The following ARHGAP21 variants were observed in gnomAD, a reference collection of about 807,000 sequenced individuals.
ARHGAP21 encodes Rho GTPase activating protein 21.
ARHGAP21 carries 38 observed loss-of-function variants against 164.6 expected under a neutral mutation model. The ratio of observed to expected loss-of-function variants is 0.23; its 90% confidence interval spans 0.18 to 0.30. ARHGAP21 has a LOEUF of 0.30. Ranked by LOEUF, ARHGAP21 falls within the 10% of genes least tolerant of loss-of-function variation. The probability of loss-of-function intolerance (pLI) is 1.00; values close to 1 mark genes in which losing one functional copy is unlikely to be tolerated. For missense variants in ARHGAP21, 1,822 were observed against 2,370.7 expected, an observed-to-expected ratio of 0.77 and a Z score of 4.81; for synonymous variants, 766 against 857.9, an observed-to-expected ratio of 0.89 and a Z score of 1.87.
chr10:24,607,820 G>A lies in ARHGAP21; in HGVS notation c.2506C>T (p.Pro836Ser). 2 of 1,614,110 alleles carry A rather than the reference G, an allele frequency of 1.2e-6. No homozygotes were observed. Among genetic ancestry groups the A allele is most frequent in the Non-Finnish European group, 8.5e-7 (1 of 1,180,012 alleles). The change falls in exon 10 of 26, where the codon CCC becomes TCC. Residue 836 changes from proline (P) to serine (S), a missense_variant. Around this residue, in one of 5 missense-constraint regions of ARHGAP21, gnomAD observed 1,090 missense variants for 1,378.9 expected, o/e 0.79. Transcript: ENST00000396432. ...AVISASTSQV[P>S]SIATVPPCLT... ...CAAGGAGGAACTGTTGCTATGGAGGGGACCTGAGAGGTAGAGGCTGATATA... is the reference window on the plus strand; with the variant it reads ...CAAGGAGGAACTGTTGCTATGGAGGAGACCTGAGAGGTAGAGGCTGATATA...
At position 24,584,911 on chromosome 10, in the gene ARHGAP21, G is replaced by T; in HGVS notation, c.5378C>A (p.Ala1793Asp). ...VGNHKVNAET[A>D]KRKSIRRRHT... The stretch of plus-strand genomic sequence containing the variant: ...TCTGCGCCGGATGCTTTTCCTTTTA[G>T]CAGTCTCGGCATTCACTTTGTGATT... Residue 1793 changes from alanine to aspartate, a missense_variant, in exon 26 of 26, where the codon GCT (alanine) becomes GAT (aspartate). Ala to Asp is a moderately radical substitution (Grantham distance 126, BLOSUM62 -2). Around this residue, in one of 5 missense-constraint regions of ARHGAP21, gnomAD observed 117 missense variants for 193.2 expected, o/e 0.61. Transcript: ENST00000396432. 1 of 1,613,834 alleles carries T rather than the reference G, an allele frequency of 6.2e-7. No homozygotes were observed. Among genetic ancestry groups the T allele is most frequent in the Non-Finnish European group, 8.5e-7 (1 of 1,179,856 alleles).
chr10:24,708,230 G>T (rs927412303), intron 2 of ARHGAP21, among the ~76,000 whole-genome samples: 1 of 152,038 alleles, frequency 6.6e-6, no homozygotes, highest in Non-Finnish European at 1.5e-5. Context: ...GCCTCTGTCC[G>T]TCCCTTAATT....
intron 10 of ARHGAP21, 59 bp downstream of exon 10, chr10:24,607,681 CATACT>C: frequency 6.2e-7 from 1 of 1,610,118 alleles, no homozygotes; most frequent in African/African-American, 1.3e-5. Flanking sequence ...ATCAGTTTAT[CATACT>C]ATTCTAAGTG....
intron 19 of ARHGAP21, 50 bp downstream of exon 19, chr10:24,595,667 A>T (rs199903061): frequency 1.3e-6 from 2 of 1,545,722 alleles, no homozygotes; most frequent in Admixed American, 1.8e-5. Context: ...TGGTTTTCCA[A>T]TTGTAACTTG....
chr10:24,626,082 A>G (rs1264074459), intron 7 of ARHGAP21, among the ~76,000 whole-genome samples: 2 of 152,246 alleles, frequency 1.3e-5, no homozygotes, highest in African/African-American at 4.8e-5. Flanking sequence ...ATAGAACAGC[A>G]TAAAGTAGGT....
rs532633998 is a variant in ARHGAP21 at position 24,708,231 on chromosome 10, T to C, written c.63+13606A>G. ...TGGCTGGTTTGTCGGCCTCTGTCCGTCCCTTAATTGGTGGTGTTCCTCAGA... is the reference window on the plus strand; with the variant it reads ...TGGCTGGTTTGTCGGCCTCTGTCCGCCCCTTAATTGGTGGTGTTCCTCAGA... On this transcript the variant is annotated intron_variant, in intron 2 of 25. Coordinates refer to ENST00000396432, the MANE Select transcript of ARHGAP21 (RefSeq NM_020824.4). Among the ~76,000 whole-genome samples, 26 of 152,264 alleles carry C rather than the reference T, an allele frequency of 1.7e-4. 1 individual carries two copies. The highest frequency in any genetic ancestry group is 1.7e-3 in the Admixed American group (26 of 15,294).
intron 4 of ARHGAP21, among the ~76,000 whole-genome samples, chr10:24,665,726 C>T (rs2131722704): frequency 6.6e-6 from 1 of 152,292 alleles, no homozygotes; most frequent in East Asian, 1.9e-4. Context: ...AAACTATACA[C>T]TTACAATAGA....
At chr10:24,670,098 G>T in intron 3 of ARHGAP21, 120 bp downstream of exon 3, 1 of 577,616 alleles carries the variant, frequency 1.7e-6, no homozygotes. Flanking sequence ...AAATTCAAAT[G>T]TAATGCTTGA....
At chr10:24,705,912 G>C (rs776631176) in intron 2 of ARHGAP21, among the ~76,000 whole-genome samples, 7 of 152,072 alleles carry the variant, frequency 4.6e-5, no homozygotes, top group Non-Finnish European at 8.8e-5. Flanking sequence ...AATGTTGATC[G>C]AGGGATAAAG....
At chr10:24,668,565 G>A (rs1361032636) in intron 3 of ARHGAP21, among the ~76,000 whole-genome samples, 1 of 151,990 alleles carries the variant, frequency 6.6e-6, no homozygotes, top group African/African-American at 2.4e-5. Flanking sequence ...TTTTTATAAC[G>A]CTTTCTTAAG....
chr10:24,670,199 C>T lies in ARHGAP21; in HGVS notation c.243+19G>A, dbSNP rs12572218. On this transcript the variant is annotated intron_variant, in intron 3 of 25. Transcript: ENST00000396432. Reference sequence around the variant, plus strand: ...GCCTTGTGGTTTTTTTTTCAAGTTGCGGTAACTATTTCTCTTACCTTATAT... The same window carrying T: ...GCCTTGTGGTTTTTTTTTCAAGTTGTGGTAACTATTTCTCTTACCTTATAT... The T allele has an allele frequency of 1.9e-5, 29 of 1,502,166 alleles. No individual in the cohort carries two copies. The highest frequency in any genetic ancestry group is 3.9e-5 in the Admixed American group (2 of 51,386). The allele number at this position is 1,502,166 out of a possible 1,614,324, so 93.1% of individuals were successfully genotyped here.
chr10:24,718,453 G>C (rs747021514), intron 2 of ARHGAP21, among the ~76,000 whole-genome samples: 1 of 152,130 alleles, frequency 6.6e-6, no homozygotes, highest in Non-Finnish European at 1.5e-5. Context: ...GAGAATACAG[G>C]AATGGAAAGG....
intron 4 of ARHGAP21, among the ~76,000 whole-genome samples, chr10:24,664,187 C>T (rs1839961961): frequency 6.6e-6 from 1 of 152,118 alleles, no homozygotes. Context: ...AATGTGTATC[C>T]TTAACTGATC....
intron 4 of ARHGAP21, among the ~76,000 whole-genome samples, chr10:24,656,338 A>G (rs71491198): frequency 2.4e-3 from 122 of 50,602 alleles, no homozygotes; most frequent in Admixed American, 4.1e-3. Context: ...CGGGAGGGAG[A>G]TGGGGGGGTC....
At chr10:24,717,383 T>C (rs1391690416) in intron 2 of ARHGAP21, among the ~76,000 whole-genome samples, 3 of 152,200 alleles carry the variant, frequency 2.0e-5, no homozygotes, top group Non-Finnish European at 2.9e-5. Flanking sequence ...CCTGCTCTTA[T>C]AGGGACTGCA....
chr10:24,629,791 T>A (rs1383623912), intron 7 of ARHGAP21: 1 of 632,872 alleles, frequency 1.6e-6, no homozygotes, highest in Admixed American at 2.2e-5. Flanking sequence ...AGAATCAACA[T>A]AACATTTCCA....
At position 24,667,367 on chromosome 10, in the gene ARHGAP21, T is replaced by C. The variant is rs187741809; in HGVS notation, c.244-358A>G. Among the ~76,000 whole-genome samples, 354 of 152,294 alleles carry C rather than the reference T, an allele frequency of 2.3e-3. 1 individual carries two copies. Among genetic ancestry groups the C allele is most frequent in the African/African-American group, 8.1e-3 (336 of 41,550 alleles). On this transcript the variant is annotated intron_variant, in intron 3 of 25. Coordinates refer to ENST00000396432, the MANE Select transcript of ARHGAP21 (RefSeq NM_020824.4). ...GAGATATCCAAGTGAAGTTGTCAAG[T>C]AGGCAGTTGGACAGATGGAAAGGTC...
intron 4 of ARHGAP21, among the ~76,000 whole-genome samples, chr10:24,638,449 T>TGACA (rs1171499579): frequency 6.6e-6 from 1 of 152,242 alleles, no homozygotes; most frequent in African/African-American, 2.4e-5. Context: ...ACGTGTGTCA[T>TGACA]TCACAAGCTC....
intron 11 of ARHGAP21, among the ~76,000 whole-genome samples, chr10:24,606,034 T>C (rs1008562163): frequency 5.3e-5 from 8 of 152,070 alleles, no homozygotes; most frequent in South Asian, 2.1e-4. Flanking sequence ...TTTGGGACAA[T>C]AGAGATATTA....
Sources: allele counts gnomAD v4.1 joint callset (sites outside exome capture counted in the v4.1 genomes callset), GRCh38; gene constraint gnomAD v4.1.1; regional missense constraint gnomAD v4.1.1; transcripts MANE v1.5; gene names NCBI Gene and HGNC (gene_info 2026-07-23, HGNC 2026-07-21).